PDCD1LG2: variants seen among roughly 807,000 people sequenced by gnomAD.
PDCD1LG2 encodes B7 dendritic cell molecule.
PDCD1LG2 carries 32 observed loss-of-function variants against 28.2 expected under a neutral mutation model. That is an observed-to-expected ratio of 1.13 (90% CI 0.86 to 1.52). PDCD1LG2 has a LOEUF of 1.52. PDCD1LG2 is among the 40% of genes most tolerant of loss of function. The pLI is 0.00. For missense variants in PDCD1LG2, 385 were observed against 323.8 expected, an observed-to-expected ratio of 1.19 and a Z score of -1.45; for synonymous variants, 116 against 120.2, an observed-to-expected ratio of 0.97 and a Z score of 0.23.
chr9:5,525,206 G>A (rs917100661), intron 2 of PDCD1LG2, among the ~76,000 whole-genome samples: 4 of 151,960 alleles, frequency 2.6e-5, no homozygotes, highest in Non-Finnish European at 5.9e-5. Flanking sequence ...AATATTAGCC[G>A]GGCATGGTGG....
At position 5,543,533 on chromosome 9, in the gene PDCD1LG2, CG is replaced by C. The variant is rs538914609; in HGVS notation, c.362-5801del. On this transcript the variant is annotated intron_variant, in intron 3 of 6. Transcript: ENST00000397747. ...CAGCCTGGGCGACAGAGCGAGACTC[CG>C]TCTCAAAAAAAAAAAAAAAAAAAAA... 2.9e-3 allele frequency among the ~76,000 whole-genome samples: 354 copies of C among 121,286 alleles called. 1 individual carries two copies. The highest frequency in any genetic ancestry group is 0.011 in the African/African-American group (344 of 29,934). 79.6% of individuals were successfully genotyped at this position (121,286 alleles called of 152,430 possible).
In PDCD1LG2 at chr9:5,562,484, A is replaced by G. The variant is rs560838098; in HGVS notation, c.767-678A>G. ...GTGGTATAATGGGCATGGGAGACTC[A>G]GAAGGAGAGAGTAGGGAGTGGCAGT... On this transcript the variant is annotated intron_variant, in intron 5 of 6. Transcript: ENST00000397747. 1.5e-3 allele frequency among the ~76,000 whole-genome samples: 231 copies of G among 152,304 alleles called. 1 individual carries two copies. The highest frequency in any genetic ancestry group is 4.6e-3 in the Admixed American group (70 of 15,296).
In PDCD1LG2 at chr9:5,557,617, G is replaced by T. The variant is rs761019876; in HGVS notation, c.632-1G>T. 6.2e-7 allele frequency: 1 copy of T among 1,613,902 alleles called. No homozygotes were observed. Among genetic ancestry groups the T allele is most frequent in the Middle Eastern group, 1.7e-4 (1 of 6,052 alleles). On this transcript the variant is annotated splice_acceptor_variant, in intron 4 of 6. Coordinates refer to ENST00000397747, the MANE Select transcript of PDCD1LG2 (RefSeq NM_025239.4). LOFTEE classifies it high-confidence loss of function. ...GATTCTGGTGCTTTTCCTTTGCCCA[G>T]GTCAGATGGAACCCAGGACCCATCC...
At chr9:5,557,866 T>C in intron 5 of PDCD1LG2, 114 bp downstream of exon 5, 1 of 1,292,150 alleles carries the variant, frequency 7.7e-7, no homozygotes, top group Middle Eastern at 1.9e-4. Flanking sequence ...ACTCAGAGCT[T>C]ATGAACCACT....
rs1816742514 is a variant in PDCD1LG2 at position 5,570,049 on chromosome 9, G to T, written c.*90G>T. The T allele has an allele frequency of 8.4e-6, 13 of 1,542,754 alleles. No individual in the cohort carries two copies. The African/African-American group carries it at 9.6e-5, about 11-fold the overall frequency. The stretch of plus-strand genomic sequence containing the variant: ...AAGAATTCGGTGGCCTGCAGAGCTT[G>T]CCATTTGCACTTTTCAAATGCCTTT... On this transcript the variant is annotated 3_prime_UTR_variant, in exon 7 of 7. Transcript: ENST00000397747.
chr9:5,513,578 T>C (rs149387465), intron 1 of PDCD1LG2, among the ~76,000 whole-genome samples: 98 of 152,356 alleles, frequency 6.4e-4, no homozygotes, highest in African/African-American at 2.2e-3. Flanking sequence ...TAAAGGCTTA[T>C]AAAAAGTGGG....
intron 3 of PDCD1LG2, among the ~76,000 whole-genome samples, chr9:5,535,305 C>A (rs1013891788): frequency 1.3e-5 from 2 of 152,142 alleles, no homozygotes; most frequent in Admixed American, 1.3e-4. Context: ...GAAAATTAGT[C>A]CCTGAAATGT....
intron 3 of PDCD1LG2, among the ~76,000 whole-genome samples, chr9:5,539,202 C>A (rs1820642081): frequency 6.6e-6 from 1 of 151,896 alleles, no homozygotes; most frequent in Non-Finnish European, 1.5e-5. Flanking sequence ...TTATAAGAAT[C>A]AACTTAATAG....
At chr9:5,559,732 G>A (rs1242139153) in intron 5 of PDCD1LG2, among the ~76,000 whole-genome samples, 3 of 152,104 alleles carry the variant, frequency 2.0e-5, no homozygotes, top group Non-Finnish European at 4.4e-5. Context: ...GCTATAATAG[G>A]CTTTTAAAAA....
At chr9:5,518,043 G>A (rs1820200465) in intron 1 of PDCD1LG2, among the ~76,000 whole-genome samples, 1 of 152,218 alleles carries the variant, frequency 6.6e-6, no homozygotes. Flanking sequence ...AGGACTAGGG[G>A]ATGGGCCATA....
In PDCD1LG2 at chr9:5,513,055, C is replaced by G. The variant is rs540540381; in HGVS notation, c.-15+2252C>G. ...TGAGAGGCTGTCTACCAATTCCACC[C>G]ACCCTCAATTCTATACTCAAAAAAA... is the stretch of plus-strand genomic sequence containing the variant. On this transcript the variant is annotated intron_variant, in intron 1 of 6. Coordinates refer to ENST00000397747, the MANE Select transcript of PDCD1LG2 (RefSeq NM_025239.4). 6.1e-4 allele frequency among the ~76,000 whole-genome samples: 93 copies of G among 152,250 alleles called. 1 individual carries two copies. The highest frequency in any genetic ancestry group is 9.9e-4 in the Non-Finnish European group (67 of 68,014).
At chr9:5,551,868 G>A (rs1586814580) in intron 4 of PDCD1LG2, among the ~76,000 whole-genome samples, 1 of 152,166 alleles carries the variant, frequency 6.6e-6, no homozygotes, top group African/African-American at 2.4e-5. Flanking sequence ...TTCCAGCTGG[G>A]AGGCAGCCAC....
Position 5,510,706 on chromosome 9 carries a change from A to G in PDCD1LG2, c.-112A>G, listed in dbSNP as rs1468911111. 6.6e-6 allele frequency: 1 copy of G among 152,584 alleles called. No homozygotes were observed. Among genetic ancestry groups the G allele is most frequent in the Non-Finnish European group, 1.5e-5 (1 of 68,026 alleles). The allele number at this position is 152,584 out of a possible 1,614,324, so 9.5% of individuals were successfully genotyped here. ...GTTTTGTTTTTCCTTTTGGCTGTTC[A>G]TTTTGGTGGCTACTATAAGGAAATC... On this transcript the variant is annotated 5_prime_UTR_variant, in exon 1 of 7. Transcript: ENST00000397747.
intron 3 of PDCD1LG2, among the ~76,000 whole-genome samples, chr9:5,542,756 GGAA>G (rs1198359800): frequency 6.6e-6 from 1 of 152,126 alleles, no homozygotes; most frequent in Non-Finnish European, 1.5e-5. Flanking sequence ...CAACCACTAT[GGAA>G]AACAGTGTGG....
At chr9:5,540,623 G>A (rs1157503832) in intron 3 of PDCD1LG2, among the ~76,000 whole-genome samples, 1 of 151,132 alleles carries the variant, frequency 6.6e-6, no homozygotes, top group Non-Finnish European at 1.5e-5. Context: ...AGAGGAGATG[G>A]ATACATTCCT....
chr9:5,520,879 A>G (rs1032257083), intron 1 of PDCD1LG2, among the ~76,000 whole-genome samples: 11 of 152,182 alleles, frequency 7.2e-5, no homozygotes, highest in African/African-American at 1.9e-4. Flanking sequence ...TACCCAAGAT[A>G]ATTAAAAGTA....
chr9:5,515,966 A>G (rs1463989842), intron 1 of PDCD1LG2, among the ~76,000 whole-genome samples: 1 of 151,174 alleles, frequency 6.6e-6, no homozygotes, highest in South Asian at 2.1e-4. Flanking sequence ...AAAGAAAGAA[A>G]GAGGAGATCT....
intron 4 of PDCD1LG2, among the ~76,000 whole-genome samples, chr9:5,556,176 C>T (rs1171182608): frequency 1.3e-5 from 2 of 152,054 alleles, no homozygotes; most frequent in Admixed American, 6.5e-5. Context: ...GGCTTCTGTA[C>T]GTGGAAGAGA....
intron 3 of PDCD1LG2, among the ~76,000 whole-genome samples, chr9:5,543,396 G>T (rs1486078087): frequency 6.6e-6 from 1 of 152,052 alleles, no homozygotes; most frequent in African/African-American, 2.4e-5. Flanking sequence ...AAAATTAGCC[G>T]GGCGTGGTGG....
Sources: gnomAD v4.1 joint callset for allele counts (sites outside exome capture counted in the v4.1 genomes callset) on GRCh38, gnomAD v4.1.1 for gene constraint, MANE v1.5 for transcripts, NCBI Gene and HGNC (gene_info 2026-07-23, HGNC 2026-07-21) for gene names.